Variants in SQSTM1 observed in about 807,000 individuals in gnomAD.
The protein encoded by SQSTM1 is sequestosome 1, also known as sequestosome-1.
A neutral mutation model predicts 45.1 loss-of-function variants in SQSTM1; 36 were observed. The ratio of observed to expected loss-of-function variants is 0.80; its 90% confidence interval spans 0.61 to 1.05. The LOEUF is 1.05. SQSTM1 is among the 50% of genes least tolerant of loss of function. SQSTM1 has a pLI of 0.00. For missense variants in SQSTM1, 617 were observed against 607.1 expected (o/e 1.02, Z -0.17); for synonymous variants, 290 against 244.3 (o/e 1.19, Z -1.74).
Position 179,824,107 on chromosome 5 carries a change from A to G in SQSTM1, c.531+20A>G. 1 of 1,613,690 alleles carries G rather than the reference A, an allele frequency of 6.2e-7. No individual in the cohort carries two copies. Among genetic ancestry groups the G allele is most frequent in the South Asian group, 1.1e-5 (1 of 91,086 alleles). On this transcript the variant is annotated intron_variant, in intron 3 of 7. Coordinates refer to ENST00000389805, the MANE Select transcript of SQSTM1 (RefSeq NM_003900.5). ...TCTGAGGTGAGCAGGCCCTCTGTGC[A>G]GGCCTGGGGTGGGCTCAGGGTGGCA...
At position 179,833,574 on chromosome 5, in the gene SQSTM1, A is replaced by G. The variant is rs1013927869; in HGVS notation, c.970-13A>G. ...GCGTGTCTCCTGTGTGCTCATGGTG[A>G]GTTTTGTTCCAGGAACAGATGGAGT... On this transcript the variant is annotated splice_polypyrimidine_tract_variant and intron_variant, in intron 6 of 7. Coordinates refer to ENST00000389805, the MANE Select transcript of SQSTM1 (RefSeq NM_003900.5). The G allele has an allele frequency of 7.4e-6, 12 of 1,613,990 alleles. No individual in the cohort carries two copies. The African/African-American group carries it at 1.5e-4, about 20-fold the overall frequency.
At chr5:179,815,509 C>T (rs1428500638), upstream of SQSTM1, among the ~76,000 whole-genome samples, 1 of 152,180 alleles carries the variant, frequency 6.6e-6, no homozygotes, top group East Asian at 1.9e-4. Flanking sequence ...CCACAATCAA[C>T]TGGCTTAAGC....
chr5:179,823,669 G>T, intron 2 of SQSTM1, 189 bp from the exon 3 acceptor site: 1 of 624,314 alleles, frequency 1.6e-6, no homozygotes, highest in South Asian at 1.9e-5. Context: ...AACAGACACA[G>T]GGACTGGGAA....
rs1235754502 is a variant in SQSTM1, at chr5:179,806,984, G to A, written c.-157+393G>A. The A allele has an allele frequency of 2.0e-5, 3 of 150,638 alleles. No individual in the cohort carries two copies. Among genetic ancestry groups the A allele is most frequent in the East Asian group, 3.9e-4 (2 of 5,102 alleles). 9.3% of individuals were successfully genotyped at this position (150,638 alleles called of 1,614,324 possible). On this transcript the variant is annotated intron_variant, in intron 1 of 5. Transcript: ENST00000514093. This position sits in a 1 kb window ranked among gnomAD's most constrained non-coding sequence, Gnocchi z 4.6. Reference sequence around the variant, plus strand: ...ATCTGGGGCCGCCGCGGAGTCGACGGCGCAGGGCGGGGCGGCCCGGATTTA... The same window carrying A: ...ATCTGGGGCCGCCGCGGAGTCGACGACGCAGGGCGGGGCGGCCCGGATTTA...
chr5:179,836,622 CCT>C lies in SQSTM1; in HGVS notation c.*32_*33del. On this transcript the variant is annotated 3_prime_UTR_variant, in exon 8 of 8. Coordinates refer to ENST00000389805, the MANE Select transcript of SQSTM1 (RefSeq NM_003900.5). ...CTTTTGCCCACCTCTTCTGCGTGCCCCTCTTCTGTCTCATAGTTGTGTTAAGC... is the reference window on the plus strand; with the variant it reads ...CTTTTGCCCACCTCTTCTGCGTGCCCCTTCTGTCTCATAGTTGTGTTAAGC... 2 of 1,612,380 alleles carry C rather than the reference CCT, an allele frequency of 1.2e-6. No individual in the cohort carries two copies. The highest frequency in any genetic ancestry group is 1.7e-6 in the Non-Finnish European group (2 of 1,179,982).
In SQSTM1 at chr5:179,821,149, G is replaced by A. The variant is rs1286357729; in HGVS notation, c.205+8G>A. ...TCCAGGCGCACTACCGCGGTGAGCG[G>A]GCCGGGGAGCGGCGGGGGCGGTGAC... On this transcript the variant is annotated splice_region_variant and intron_variant, in intron 1 of 7. Transcript: ENST00000389805. 2.2e-6 allele frequency: 3 copies of A among 1,334,540 alleles called. No individual in the cohort carries two copies. Among genetic ancestry groups the A allele is most frequent in the Non-Finnish European group, 2.9e-6 (3 of 1,047,908 alleles). 82.7% of individuals were successfully genotyped at this position (1,334,540 alleles called of 1,614,324 possible).
At chr5:179,826,562 T>G (rs11960420) in intron 5 of SQSTM1, among the ~76,000 whole-genome samples, 2 of 150,884 alleles carry the variant, frequency 1.3e-5, no homozygotes, top group South Asian at 2.1e-4. Context: ...AGTTTAGAGG[T>G]GAAGTCAGAG....
At chr5:179,834,236 T>TG (rs575654168) in intron 7 of SQSTM1, among the ~76,000 whole-genome samples, 517 of 6,964 alleles carry the variant, frequency 0.074, 8 homozygotes, top group Middle Eastern at 0.25. Context: ...CAGGCAGCAG[T>TG]GGGGGGGTGG....
upstream of SQSTM1, among the ~76,000 whole-genome samples, chr5:179,819,692 G>C (rs1757700117): frequency 6.6e-6 from 1 of 152,212 alleles, no homozygotes; most frequent in South Asian, 2.1e-4. Flanking sequence ...GCAGGCCCTG[G>C]GGCATTTTCC....
intron 1 of SQSTM1, 58 bp downstream of exon 1, chr5:179,821,199 G>A: frequency 7.6e-7 from 1 of 1,308,704 alleles, no homozygotes; most frequent in Non-Finnish European, 9.7e-7. Flanking sequence ...GCCTCCTGCC[G>A]CGGGGTGGCT....
upstream of SQSTM1, among the ~76,000 whole-genome samples, chr5:179,815,899 C>T (rs902296042): frequency 6.6e-6 from 1 of 151,940 alleles, no homozygotes; most frequent in Non-Finnish European, 1.5e-5. Flanking sequence ...ATCCACACAC[C>T]CCACAAAACT....
At chr5:179,835,994 C>T (rs1282448414) in intron 7 of SQSTM1, 2 of 281,146 alleles carry the variant, frequency 7.1e-6, no homozygotes, top group Non-Finnish European at 1.4e-5. Context: ...CCTTTGCCTT[C>T]TCCACATACA....
At chr5:179,808,119 C>G (rs1366560027) in intron 1 of SQSTM1, 1 of 152,346 alleles carries the variant, frequency 6.6e-6, no homozygotes, top group East Asian at 1.9e-4. Context: ...GTGGAGGCTG[C>G]AGGGACCTCT....
rs1209064592 is a variant in SQSTM1, at chr5:179,824,331, T to C, written c.673+8T>C. The C allele has an allele frequency of 2.5e-6, 4 of 1,613,430 alleles. No homozygotes were observed. The highest frequency in any genetic ancestry group is 3.3e-5 in the Admixed American group (2 of 60,020). On this transcript the variant is annotated splice_region_variant and intron_variant, in intron 4 of 7. Coordinates refer to ENST00000389805, the MANE Select transcript of SQSTM1 (RefSeq NM_003900.5). ...GCCCCACGGCAGAATCAGGTGAGGC[T>C]TGTGTTGGAACCTGCTTCTGATTGG...
intron 5 of SQSTM1, among the ~76,000 whole-genome samples, chr5:179,825,482 G>A (rs910897862): frequency 1.6e-4 from 25 of 152,316 alleles, no homozygotes; most frequent in African/African-American, 4.6e-4. Flanking sequence ...GTGAGGGAGG[G>A]TGACCAGACT....
intron 7 of SQSTM1, among the ~76,000 whole-genome samples, chr5:179,834,341 T>C (rs1000117387): frequency 4.6e-5 from 7 of 151,622 alleles, no homozygotes; most frequent in Admixed American, 4.6e-4. Flanking sequence ...GCCGCCGCTG[T>C]GTGTCTTCTC....
At position 179,823,039 on chromosome 5, in the gene SQSTM1, G is replaced by A. The variant is rs569811115; in HGVS notation, c.287G>A (p.Arg96Gln). 32 of 1,614,012 alleles carry A rather than the reference G, an allele frequency of 2.0e-5. No homozygotes were observed. Among genetic ancestry groups the A allele is most frequent in the East Asian group, 2.2e-5 (1 of 44,860 alleles). ...TCCTACGTGAAGGATGACATCTTCC[G>A]AATCTACATTAAAGGTAAGGGGCTG... The part of the protein sequence containing the change: ...AMSYVKDDIF[R>Q]IYIKEKKECR... Residue 96 changes from arginine (R) to glutamine (Q), a missense_variant, in exon 2 of 8, where the codon CGA becomes CAA. Coordinates refer to ENST00000389805, the MANE Select transcript of SQSTM1 (RefSeq NM_003900.5).
chr5:179,808,723 C>T (rs1757296665), intron 1 of SQSTM1, among the ~76,000 whole-genome samples: 1 of 152,174 alleles, frequency 6.6e-6, no homozygotes, highest in Non-Finnish European at 1.5e-5. Flanking sequence ...GAGGCTAAGG[C>T]AGGAGGATCA....
At position 179,834,774 on chromosome 5, in the gene SQSTM1, A is replaced by G. The variant is rs963001462; in HGVS notation, c.1165+992A>G. 5.3e-5 allele frequency among the ~76,000 whole-genome samples: 8 copies of G among 152,250 alleles called. 1 individual carries two copies. In the South Asian group the frequency reaches 1.4e-3, roughly 28 times the overall value. Reference sequence around the variant, plus strand: ...GGATAAGAATTTTTCTTAGTACAGAACAAAATGAAAAGTCTCCCATGTCTA... The same window carrying G: ...GGATAAGAATTTTTCTTAGTACAGAGCAAAATGAAAAGTCTCCCATGTCTA... On this transcript the variant is annotated intron_variant, in intron 7 of 7. Coordinates refer to ENST00000389805, the MANE Select transcript of SQSTM1 (RefSeq NM_003900.5).
Sources: allele counts gnomAD v4.1 joint callset (sites outside exome capture counted in the v4.1 genomes callset), GRCh38; gene constraint gnomAD v4.1.1; non-coding constraint Gnocchi (gnomAD v3.1); transcripts MANE v1.5; gene names NCBI Gene and HGNC (gene_info 2026-07-23, HGNC 2026-07-21).